DUSP14: variants seen among roughly 807,000 people sequenced by gnomAD.
DUSP14 encodes the protein dual specificity phosphatase 14.
A neutral mutation model predicts 13.2 loss-of-function variants in DUSP14; 5 were observed. That is an observed-to-expected ratio of 0.38 (90% CI 0.20 to 0.80). DUSP14 has a LOEUF of 0.80. Among genes scored for constraint, DUSP14 ranks in the 30% least tolerant of loss-of-function variants. DUSP14 has a pLI of 0.44. For missense variants in DUSP14, 185 were observed against 264.0 expected, an observed-to-expected ratio of 0.70 and a Z score of 2.07; for synonymous variants, 91 against 103.4, an observed-to-expected ratio of 0.88 and a Z score of 0.73.
At chr17:37,493,898 C>A (rs986863997) in intron 1 of DUSP14, among the ~76,000 whole-genome samples, 1 of 152,034 alleles carries the variant, frequency 6.6e-6, no homozygotes, top group Non-Finnish European at 1.5e-5. Context: ...GATGAGACTC[C>A]TTAAGAGGCA....
intron 1 of DUSP14, among the ~76,000 whole-genome samples, chr17:37,503,041 G>A (rs1017538760): frequency 2.0e-5 from 3 of 152,070 alleles, no homozygotes; most frequent in Non-Finnish European, 2.9e-5. Flanking sequence ...AGCCTTTAGT[G>A]TATTCTTTTG....
intron 1 of DUSP14, among the ~76,000 whole-genome samples, chr17:37,496,816 T>G (rs1383477841): frequency 1.3e-5 from 2 of 150,038 alleles, no homozygotes; most frequent in Non-Finnish European, 2.9e-5. Context: ...CTTGGGAGAC[T>G]GAGGCAGGAG....
chr17:37,507,484 G>T (rs530034536), intron 1 of DUSP14, among the ~76,000 whole-genome samples: 1 of 152,156 alleles, frequency 6.6e-6, no homozygotes, highest in Non-Finnish European at 1.5e-5. Flanking sequence ...AGGATGCATC[G>T]CTCTGCCACC....
chr17:37,502,936 T>C (rs966756990), intron 1 of DUSP14, among the ~76,000 whole-genome samples: 26 of 152,150 alleles, frequency 1.7e-4, no homozygotes, highest in African/African-American at 6.0e-4. Context: ...AGTGGCGCCA[T>C]CGTAGCCCCC....
At chr17:37,509,589 T>TG (rs2054169524) in intron 1 of DUSP14, among the ~76,000 whole-genome samples, 1 of 151,880 alleles carries the variant, frequency 6.6e-6, no homozygotes, top group Non-Finnish European at 1.5e-5. Context: ...CCCAAAGTGT[T>TG]GGGATTACAG....
chr17:37,491,139 GTGCTGTATTCT>G (rs2054025345), intron 1 of DUSP14, among the ~76,000 whole-genome samples: 1 of 152,166 alleles, frequency 6.6e-6, no homozygotes, highest in Admixed American at 6.5e-5. Flanking sequence ...GGGAACAAAG[GTGCTGTATTCT>G]TTGCAGAGTT....
chr17:37,513,395 G>A lies in DUSP14; in HGVS notation c.*526G>A, dbSNP rs1041147629. Reference sequence around the variant, plus strand: ...AAGTTAAATACACCCTTATTATTTAGCTGTTAAGTAACTATAATGAAATCT... The same window carrying A: ...AAGTTAAATACACCCTTATTATTTAACTGTTAAGTAACTATAATGAAATCT... On this transcript the variant is annotated 3_prime_UTR_variant, in exon 3 of 3. Transcript: ENST00000617516. 1 of 167,932 alleles carries A rather than the reference G, an allele frequency of 6.0e-6. No individual in the cohort carries two copies. The highest frequency in any genetic ancestry group is 2.4e-5 in the African/African-American group (1 of 41,428). The allele number at this position is 167,932 out of a possible 1,614,324, so 10.4% of individuals were successfully genotyped here. A position where few individuals can be genotyped will look rare whatever the true frequency, so the allele number is the denominator to read the frequency against.
In DUSP14 at chr17:37,512,141, A is replaced by T; in HGVS notation, c.-92-40A>T. ...ATGTGACAGAAGGCTGTGATGAATC[A>T]GTAGCATTTAAAGTACTGACACATA... On this transcript the variant is annotated intron_variant, in intron 2 of 2. Coordinates refer to ENST00000617516, the MANE Select transcript of DUSP14 (RefSeq NM_007026.4). The surrounding 1 kb of genome is among the most constrained non-coding windows in gnomAD (Gnocchi z 4.8). The T allele has an allele frequency of 1.4e-6, 1 of 695,514 alleles. No homozygotes were observed. 43.1% of individuals were successfully genotyped at this position (695,514 alleles called of 1,614,324 possible).
At chr17:37,492,488 A>G (rs1400626286) in intron 1 of DUSP14, among the ~76,000 whole-genome samples, 1 of 152,240 alleles carries the variant, frequency 6.6e-6, no homozygotes, top group Admixed American at 6.5e-5. Context: ...AACAAAATTC[A>G]TGTCAGGATT....
At chr17:37,508,240 C>G (rs1048651374) in intron 1 of DUSP14, among the ~76,000 whole-genome samples, 1 of 152,174 alleles carries the variant, frequency 6.6e-6, no homozygotes, top group Admixed American at 6.5e-5. Flanking sequence ...GCAGACAGAG[C>G]CACAGCACTC....
chr17:37,493,994 C>CTTT (rs1250993098), intron 1 of DUSP14, among the ~76,000 whole-genome samples: 5 of 140,142 alleles, frequency 3.6e-5, no homozygotes, highest in Admixed American at 7.1e-5. Flanking sequence ...CTCTTTTAAA[C>CTTT]TTTTTTTTTT....
intron 1 of DUSP14, among the ~76,000 whole-genome samples, chr17:37,508,403 T>C (rs1212278044): frequency 1.3e-5 from 2 of 152,144 alleles, no homozygotes; most frequent in South Asian, 2.1e-4. Context: ...TGAGGCATGC[T>C]CAGGTTTGAG....
chr17:37,498,321 T>C, intron 1 of DUSP14, among the ~76,000 whole-genome samples: 2 of 56,516 alleles, frequency 3.5e-5, no homozygotes, highest in Non-Finnish European at 6.4e-5. Flanking sequence ...TATCTTTTTT[T>C]TTTTTTTTTT....
intron 1 of DUSP14, among the ~76,000 whole-genome samples, chr17:37,493,036 T>G (rs771431549): frequency 8.5e-5 from 13 of 152,296 alleles, no homozygotes; most frequent in South Asian, 8.3e-4. Flanking sequence ...TGTGTATGTA[T>G]GTATATACAC....
At chr17:37,497,589 C>T (rs1023445942) in intron 1 of DUSP14, among the ~76,000 whole-genome samples, 1 of 151,792 alleles carries the variant, frequency 6.6e-6, no homozygotes, top group African/African-American at 2.4e-5. Flanking sequence ...TGGCAAAACC[C>T]TGTCTCTACA....
chr17:37,489,069 G>T (rs2054007287), upstream of DUSP14, among the ~76,000 whole-genome samples: 1 of 152,206 alleles, frequency 6.6e-6, no homozygotes, highest in Non-Finnish European at 1.5e-5. Flanking sequence ...CAGAGGCGGA[G>T]GGGAGGCGGG....
chr17:37,511,061 G>C (rs1056808660), intron 2 of DUSP14, among the ~76,000 whole-genome samples: 1 of 151,998 alleles, frequency 6.6e-6, no homozygotes, highest in African/African-American at 2.4e-5. Context: ...GGAATAATGA[G>C]AGGATAGTGA....
At chr17:37,508,467 C>T (rs1394097457) in intron 1 of DUSP14, among the ~76,000 whole-genome samples, 5 of 152,136 alleles carry the variant, frequency 3.3e-5, no homozygotes, top group Non-Finnish European at 7.4e-5. Context: ...GGCACAGTGG[C>T]TCATGCCTGT....
In DUSP14 at chr17:37,512,176, T is replaced by G; in HGVS notation, c.-92-5T>G. The G allele has an allele frequency of 1.0e-6, 1 of 960,738 alleles. No homozygotes were observed. Among genetic ancestry groups the G allele is most frequent in the South Asian group, 1.6e-5 (1 of 62,910 alleles). The allele number at this position is 960,738 out of a possible 1,614,324, so 59.5% of individuals were successfully genotyped here. A position where few individuals can be genotyped will look rare whatever the true frequency, so the allele number is the denominator to read the frequency against. ...AAAGTACTGACACATACCTGTATTT[T>G]GCAGGAAGGAGACTCTAATTTTGGA... On this transcript the variant is annotated splice_polypyrimidine_tract_variant and splice_region_variant and intron_variant, in intron 2 of 2. Transcript: ENST00000617516. This position sits in a 1 kb window ranked among gnomAD's most constrained non-coding sequence, Gnocchi z 4.8.
Sources: gnomAD v4.1 joint callset for allele counts (sites outside exome capture counted in the v4.1 genomes callset) on GRCh38, gnomAD v4.1.1 for gene constraint, Gnocchi (gnomAD v3.1) non-coding constraint, MANE v1.5 for transcripts, NCBI Gene and HGNC (gene_info 2026-07-23, HGNC 2026-07-21) for gene names.